AKR7A3: variants seen among roughly 807,000 people sequenced by gnomAD.
AKR7A3 encodes the protein AFB1 aldehyde reductase 2.
Under a neutral mutation model 32.5 loss-of-function variants are expected in AKR7A3, and 37 were observed. The ratio of observed to expected loss-of-function variants is 1.14; its 90% CI spans 0.88 to 1.50. The LOEUF (loss-of-function observed/expected upper bound fraction) is 1.50. AKR7A3 is among the 40% of genes most tolerant of loss of function. The pLI is 0.00. For missense variants in AKR7A3, 412 were observed against 453.2 expected (o/e 0.91, Z 0.83); for synonymous variants, 177 against 188.4 (o/e 0.94, Z 0.50).
intron 3 of AKR7A3, among the ~76,000 whole-genome samples, chr1:19,285,367 C>T (rs1183645608): frequency 1.3e-5 from 2 of 151,908 alleles, no homozygotes; most frequent in African/African-American, 2.4e-5. Context: ...GGACAGGGTC[C>T]CTTCCCTCAA....
chr1:19,286,374 T>G lies in AKR7A3; in HGVS notation c.215-2A>C. On this transcript the variant is annotated splice_acceptor_variant, in intron 1 of 6. Transcript: ENST00000361640. LOFTEE classifies it high-confidence loss of function. The stretch of plus-strand genomic sequence containing the variant: ...GAATGGCCTTGGTATCAATTTTCAC[T>G]GAGAGGAAAGAGAAATGAAATTCAG... The G allele has an allele frequency of 1.2e-6, 2 of 1,613,264 alleles. No homozygotes were observed. Among genetic ancestry groups the G allele is most frequent in the Non-Finnish European group, 1.7e-6 (2 of 1,179,622 alleles).
At chr1:19,284,375 G>C (rs2093724868) in intron 5 of AKR7A3, among the ~76,000 whole-genome samples, 1 of 151,862 alleles carries the variant, frequency 6.6e-6, no homozygotes, top group African/African-American at 2.4e-5. Context: ...GGACACAAAG[G>C]CCGCTAAGAT....
At chr1:19,280,423 A>G (rs781775774), downstream of AKR7A3, among the ~76,000 whole-genome samples, 4 of 151,352 alleles carry the variant, frequency 2.6e-5, no homozygotes, top group African/African-American at 9.8e-5. Context: ...TTTTCTTCTA[A>G]AAGTTTTTAT....
At chr1:19,275,411 C>CAAAA in the AKR7A3 span, among the ~76,000 whole-genome samples, 4,038 of 138,012 alleles carry the variant, frequency 0.029, 70 homozygotes, top group South Asian at 0.054. Flanking sequence ...AATTCCATCT[C>CAAAA]AAAAAAAAAA....
chr1:19,287,712 C>G (rs112706524), intron 1 of AKR7A3, among the ~76,000 whole-genome samples: 9,117 of 152,220 alleles, frequency 0.06, 932 homozygotes, highest in African/African-American at 0.21. Flanking sequence ...GCCCTTGCCC[C>G]TTGTACTCTT....
At chr1:19,287,648 C>A (rs28576430) in intron 1 of AKR7A3, among the ~76,000 whole-genome samples, 2 of 151,188 alleles carry the variant, frequency 1.3e-5, no homozygotes, top group African/African-American at 4.9e-5. Flanking sequence ...CTCCAGCACC[C>A]GCGGCATTGC....
chr1:19,281,454 T>C (rs1204661020), downstream of AKR7A3, among the ~76,000 whole-genome samples: 1 of 151,522 alleles, frequency 6.6e-6, no homozygotes, highest in Non-Finnish European at 1.5e-5. Context: ...CTGGACAACA[T>C]GGCAAAACCC....
chr1:19,285,014 G>A lies in AKR7A3; in HGVS notation c.604+4C>T, dbSNP rs1364763721. ...TGAGACAGGGCCAGGAATGCTCCAC[G>A]TACCAGCCAGAGGGTTGAAGGCATA... On this transcript the variant is annotated splice_donor_region_variant and intron_variant, in intron 4 of 6. Coordinates refer to ENST00000361640, the MANE Select transcript of AKR7A3 (RefSeq NM_012067.3). The A allele has an allele frequency of 2.2e-5, 36 of 1,612,280 alleles. No individual in the cohort carries two copies. The highest frequency in any genetic ancestry group is 6.7e-5 in the African/African-American group (5 of 74,598).
intron 1 of AKR7A3, 89 bp from the exon 2 acceptor site, chr1:19,286,461 CAG>C: frequency 7.4e-7 from 1 of 1,351,882 alleles, no homozygotes; most frequent in Non-Finnish European, 1.0e-6. Context: ...GCAGGCAAAT[CAG>C]AAGGTCAGGA....
At chr1:19,277,880 T>A (rs4483432), downstream of AKR7A3, among the ~76,000 whole-genome samples, 119,189 of 151,846 alleles carry the variant, frequency 0.78, 47,263 homozygotes, top group South Asian at 0.87. Context: ...CAAGTTTCTT[T>A]ACAGATATGT....
chr1:19,288,582 A>G lies in AKR7A3; in HGVS notation c.128T>C (p.Ile43Thr), dbSNP rs759043649. The G allele has an allele frequency of 6.5e-5, 105 of 1,607,384 alleles. 2 individuals carry two copies. In the South Asian group the frequency reaches 1.2e-3, roughly 18 times the overall value. Residue 43 changes from isoleucine to threonine, a missense_variant, in exon 1 of 7, where the codon ATA becomes ACA. Coordinates refer to ENST00000361640, the MANE Select transcript of AKR7A3 (RefSeq NM_012067.3). ...RAFLERGHTE[I>T]DTAFVYSEGQ... Reference sequence around the variant, plus strand: ...CTCGCTGTACACGAAGGCCGTGTCTATCTCGGTGTGGCCGCGCTCCAGGAA... The same window carrying G: ...CTCGCTGTACACGAAGGCCGTGTCTGTCTCGGTGTGGCCGCGCTCCAGGAA...
chr1:19,285,212 C>G lies in AKR7A3; in HGVS notation c.508-98G>C. 3.4e-6 allele frequency: 4 copies of G among 1,170,846 alleles called. No homozygotes were observed. In the South Asian group the frequency reaches 3.9e-5, roughly 11 times the overall value. The allele number at this position is 1,170,846 out of a possible 1,614,324, so 72.5% of individuals were successfully genotyped here. On this transcript the variant is annotated intron_variant, in intron 3 of 6. Transcript: ENST00000361640. ...ACCCTTATTTCAGACCTTAACAATT[C>G]TAGGACTTTAACCGTCTGGGCGTAT...
intron 1 of AKR7A3, among the ~76,000 whole-genome samples, chr1:19,287,165 C>T (rs544852682): frequency 2.0e-5 from 3 of 151,502 alleles, no homozygotes; most frequent in African/African-American, 4.9e-5. Context: ...AAAAATTAGC[C>T]GGGTGTGGTG....
intron 1 of AKR7A3, among the ~76,000 whole-genome samples, chr1:19,287,911 C>T (rs1320178451): frequency 6.6e-6 from 1 of 152,168 alleles, no homozygotes; most frequent in East Asian, 1.9e-4. Context: ...TCCCTCATCC[C>T]CCTGAGGGAG....
downstream of AKR7A3, among the ~76,000 whole-genome samples, chr1:19,277,823 GTCTTT>G (rs1324216650): frequency 1.3e-5 from 2 of 151,792 alleles, no homozygotes. Flanking sequence ...ACCTAGGTGG[GTCTTT>G]TCTTTAATTA....
rs182775256 is a variant in AKR7A3, at chr1:19,282,598, G to A, written c.*133C>T. On this transcript the variant is annotated 3_prime_UTR_variant, in exon 7 of 7. Coordinates refer to ENST00000361640, the MANE Select transcript of AKR7A3 (RefSeq NM_012067.3). ...TGGGAGTTTTATTCTTCATTTGGTG[G>A]TGACTCTTCTATTAGGTTTTTGTCC... The A allele has an allele frequency of 1.4e-6, 2 of 1,439,932 alleles. No individual in the cohort carries two copies. Among genetic ancestry groups the A allele is most frequent in the Admixed American group, 4.1e-5 (2 of 49,278 alleles). The allele number at this position is 1,439,932 out of a possible 1,614,324, so 89.2% of individuals were successfully genotyped here. A position where few individuals can be genotyped will look rare whatever the true frequency, so the allele number is the denominator to read the frequency against.
intron 3 of AKR7A3, 66 bp from the exon 4 acceptor site, chr1:19,285,180 T>G: frequency 6.8e-7 from 1 of 1,460,912 alleles, no homozygotes; most frequent in Non-Finnish European, 9.6e-7. Context: ...AAAATTACCC[T>G]TCCAGAACCC....
intron 1 of AKR7A3, among the ~76,000 whole-genome samples, chr1:19,286,776 A>G (rs1005464001): frequency 6.6e-6 from 1 of 151,868 alleles, no homozygotes; most frequent in African/African-American, 2.4e-5. Context: ...CACTTTTCAC[A>G]CTTAGAAAGT....
intron 6 of AKR7A3, among the ~76,000 whole-genome samples, chr1:19,283,143 G>A (rs867066735): frequency 4.7e-5 from 7 of 148,472 alleles, no homozygotes; most frequent in South Asian, 2.2e-4. Flanking sequence ...GTGTAAACGC[G>A]GCTAAGTTAT....
Sources: gnomAD v4.1 joint callset for allele counts (sites outside exome capture counted in the v4.1 genomes callset) on GRCh38, gnomAD v4.1.1 for gene constraint, MANE v1.5 for transcripts, NCBI Gene and HGNC (gene_info 2026-07-23, HGNC 2026-07-21) for gene names.